Variants in FBXW8 observed in about 807,000 individuals in gnomAD.
FBXW8 encodes F-box and WD repeat domain containing 8.
A neutral mutation model predicts 65.3 loss-of-function variants in FBXW8; 57 were observed. The observed-to-expected ratio is 0.87, with a 90% CI of 0.71 to 1.09. The LOEUF is 1.09. FBXW8 is among the 50% of genes least tolerant of loss of function. The pLI is 0.00. For synonymous variants in FBXW8, 308 were observed against 330.2 expected, an observed-to-expected ratio of 0.93 and a Z score of 0.73; for missense variants, 777 against 814.8, an observed-to-expected ratio of 0.95 and a Z score of 0.57.
At chr12:116,956,770 C>G (rs532122454) in intron 4 of FBXW8, among the ~76,000 whole-genome samples, 2 of 152,014 alleles carry the variant, frequency 1.3e-5, no homozygotes, top group African/African-American at 4.8e-5. Context: ...GAGTTTGAGA[C>G]CAGCCTGGCT....
Position 117,027,509 on chromosome 12 carries a change from G to A in FBXW8, c.1652+5G>A. The A allele has an allele frequency of 6.2e-7, 1 of 1,612,310 alleles. No individual in the cohort carries two copies. The highest frequency in any genetic ancestry group is 8.5e-7 in the Non-Finnish European group (1 of 1,178,348). Reference sequence around the variant, plus strand: ...CAGCTTCACTACTCACAGGAGGTTAGTGGTGGGGCCGGGCGAGTAAGAGAC... The same window carrying A: ...CAGCTTCACTACTCACAGGAGGTTAATGGTGGGGCCGGGCGAGTAAGAGAC... On this transcript the variant is annotated splice_donor_5th_base_variant and intron_variant, in intron 10 of 10. Transcript: ENST00000652555.
chr12:116,928,072 T>G lies in FBXW8; in HGVS notation c.368T>G (p.Leu123Trp). ...PFFDIQLPYE[L>W]AINIFQYLDR... ...TTTGATATCCAACTGCCTTACGAAT[T>G]GGCAATCAATATATTTCAGTATCTG... Residue 123 changes from leucine to tryptophan, a missense_variant, in exon 2 of 11, where the codon TTG (leucine) becomes TGG (tryptophan). By Grantham distance (61) the Leu-to-Trp change is moderately conservative. Coordinates refer to ENST00000652555, the MANE Select transcript of FBXW8 (RefSeq NM_153348.3). The G allele has an allele frequency of 6.2e-7, 1 of 1,612,496 alleles. No individual in the cohort carries two copies. The highest frequency in any genetic ancestry group is 8.5e-7 in the Non-Finnish European group (1 of 1,179,412).
At chr12:117,018,130 T>C (rs1021583530) in intron 8 of FBXW8, among the ~76,000 whole-genome samples, 1 of 152,198 alleles carries the variant, frequency 6.6e-6, no homozygotes, top group African/African-American at 2.4e-5. Context: ...TTGGAGTCTT[T>C]GGAAGGTTCT....
intron 7 of FBXW8, among the ~76,000 whole-genome samples, chr12:117,007,035 A>G (rs1182451850): frequency 6.6e-6 from 1 of 152,216 alleles, no homozygotes; most frequent in Non-Finnish European, 1.5e-5. Flanking sequence ...AAGTCAAAGT[A>G]TATATATCAA....
intron 3 of FBXW8, among the ~76,000 whole-genome samples, chr12:116,947,055 A>T (rs1047527728): frequency 2.0e-5 from 3 of 152,146 alleles, no homozygotes. Context: ...CTCTTTGGTG[A>T]TAGAGAAAGC....
chr12:116,955,037 G>GC (rs1491388361), intron 4 of FBXW8, among the ~76,000 whole-genome samples: 4 of 21,360 alleles, frequency 1.9e-4, no homozygotes, highest in Admixed American at 1.6e-3. Flanking sequence ...CTCTTGAAAT[G>GC]GGGGGGGGGG....
chr12:116,981,377 G>A (rs990681422), intron 5 of FBXW8, among the ~76,000 whole-genome samples: 1 of 152,220 alleles, frequency 6.6e-6, no homozygotes, highest in Admixed American at 6.5e-5. Flanking sequence ...TTGTGATGTT[G>A]AAAGTGACAG....
At chr12:116,969,066 GCT>G (rs1252865232) in intron 5 of FBXW8, among the ~76,000 whole-genome samples, 1 of 151,974 alleles carries the variant, frequency 6.6e-6, no homozygotes, top group Non-Finnish European at 1.5e-5. Flanking sequence ...TGAACTTTGT[GCT>G]CTGTTTCAGT....
intron 2 of FBXW8, among the ~76,000 whole-genome samples, chr12:116,930,473 C>G (rs1317693023): frequency 6.6e-6 from 1 of 152,156 alleles, no homozygotes; most frequent in Non-Finnish European, 1.5e-5. Flanking sequence ...GTCCTTTGCT[C>G]ATTTTTAAAT....
At chr12:116,958,630 G>T (rs899148328) in intron 4 of FBXW8, among the ~76,000 whole-genome samples, 13 of 152,222 alleles carry the variant, frequency 8.5e-5, no homozygotes, top group African/African-American at 3.1e-4. Flanking sequence ...ACTCTGGGAG[G>T]TGTTAGGGTT....
chr12:117,003,892 T>C (rs1173137773), intron 7 of FBXW8, among the ~76,000 whole-genome samples: 12 of 152,252 alleles, frequency 7.9e-5, no homozygotes, highest in African/African-American at 7.2e-5. Context: ...TTCATGCCAA[T>C]GTCTCTTTGT....
intron 4 of FBXW8, among the ~76,000 whole-genome samples, chr12:116,955,213 TTCTC>T (rs1240296522): frequency 6.6e-6 from 1 of 152,220 alleles, no homozygotes. Context: ...GTTCTTGTCT[TTCTC>T]TGCTGTCACT....
intron 1 of FBXW8, among the ~76,000 whole-genome samples, chr12:116,918,440 A>G (rs1280105909): frequency 1.3e-5 from 2 of 152,128 alleles, no homozygotes; most frequent in Non-Finnish European, 2.9e-5. Flanking sequence ...TGAAAATTCC[A>G]GGTGGTAATG....
chr12:116,915,055 G>C (rs560787433), intron 1 of FBXW8, among the ~76,000 whole-genome samples: 1 of 152,290 alleles, frequency 6.6e-6, no homozygotes, highest in Non-Finnish European at 1.5e-5. Context: ...ATCTGTAGAT[G>C]AGCATTAGGA....
intron 1 of FBXW8, among the ~76,000 whole-genome samples, chr12:116,922,353 A>G (rs1205501066): frequency 6.6e-6 from 1 of 152,128 alleles, no homozygotes; most frequent in African/African-American, 2.4e-5. Context: ...GTACATGGAA[A>G]GTTGAGATAA....
At chr12:117,021,488 GA>G (rs984236161) in intron 8 of FBXW8, among the ~76,000 whole-genome samples, 35 of 151,814 alleles carry the variant, frequency 2.3e-4, no homozygotes, top group African/African-American at 8.3e-4. Context: ...TTCCTCCTTT[GA>G]ATATGTTTTA....
chr12:116,937,195 G>A (rs980441020), intron 2 of FBXW8, among the ~76,000 whole-genome samples: 3 of 152,148 alleles, frequency 2.0e-5, no homozygotes, highest in Non-Finnish European at 4.4e-5. Flanking sequence ...GCAGACCATG[G>A]AAGGAGCATG....
intron 7 of FBXW8, among the ~76,000 whole-genome samples, chr12:116,995,419 T>C (rs1953351940): frequency 6.6e-6 from 1 of 152,180 alleles, no homozygotes; most frequent in Non-Finnish European, 1.5e-5. Flanking sequence ...GCCAGTCCAC[T>C]GGAGGATGCT....
At chr12:117,027,780 CAG>C (rs1465413910) in intron 10 of FBXW8, among the ~76,000 whole-genome samples, 6 of 152,356 alleles carry the variant, frequency 3.9e-5, no homozygotes, top group Admixed American at 1.3e-4. Context: ...AGAATCCTGT[CAG>C]GGGCAAGGCC....
Sources: gnomAD v4.1 joint callset for allele counts (sites outside exome capture counted in the v4.1 genomes callset) on GRCh38, gnomAD v4.1.1 for gene constraint, MANE v1.5 for transcripts, NCBI Gene and HGNC (gene_info 2026-07-23, HGNC 2026-07-21) for gene names.